Variants in POLR3F observed in about 807,000 individuals in gnomAD.
POLR3F encodes the protein RNA polymerase III subunit F, also known as DNA-directed RNA polymerase III subunit RPC6.
A neutral mutation model predicts 43.6 loss-of-function variants in POLR3F; 31 were observed. The observed-to-expected ratio is 0.71, with a 90% confidence interval of 0.53 to 0.96. POLR3F has a LOEUF of 0.96. Ranked by LOEUF, POLR3F falls within the 40% of genes least tolerant of loss-of-function variation. POLR3F has a pLI of 0.00. For synonymous variants in POLR3F, 114 were observed against 132.5 expected, an observed-to-expected ratio of 0.86 and a Z score of 0.96; for missense variants, 316 against 391.7, an observed-to-expected ratio of 0.81 and a Z score of 1.63.
chr20:18,476,674 C>A (rs2059782311), intron 5 of POLR3F, among the ~76,000 whole-genome samples: 1 of 152,100 alleles, frequency 6.6e-6, no homozygotes. Context: ...TGGAGTTTAT[C>A]AAAATTTTTT....
intron 4 of POLR3F, 45 bp from the exon 5 acceptor site, chr20:18,475,029 TC>T: frequency 1.2e-6 from 1 of 800,666 alleles, no homozygotes; most frequent in Non-Finnish European, 2.1e-6. Flanking sequence ...ACATTAAAAA[TC>T]CATGAAAACC....
intron 4 of POLR3F, among the ~76,000 whole-genome samples, chr20:18,474,814 G>T (rs1327365623): frequency 6.6e-6 from 1 of 152,136 alleles, no homozygotes; most frequent in African/African-American, 2.4e-5. Flanking sequence ...GAGCCACCAT[G>T]CCCAGCCCTT....
intron 5 of POLR3F, among the ~76,000 whole-genome samples, chr20:18,478,244 C>G (rs1043057550): frequency 4.0e-5 from 6 of 149,014 alleles, no homozygotes; most frequent in Non-Finnish European, 7.4e-5. Context: ...GAGACATGGT[C>G]TGGCTCTGTC....
chr20:18,474,191 C>T (rs1393459274), intron 4 of POLR3F, among the ~76,000 whole-genome samples: 2 of 151,872 alleles, frequency 1.3e-5, no homozygotes, highest in Non-Finnish European at 2.9e-5. Context: ...CATTCCCTTT[C>T]CATATATAAC....
At chr20:18,469,478 T>C (rs1290343974) in intron 2 of POLR3F, 1 of 158,416 alleles carries the variant, frequency 6.3e-6, no homozygotes, top group Admixed American at 6.2e-5. Flanking sequence ...CAACACCAGC[T>C]TTCCTGGGTC....
intron 8 of POLR3F, among the ~76,000 whole-genome samples, chr20:18,482,833 A>G (rs1470138658): frequency 6.6e-6 from 1 of 152,202 alleles, no homozygotes; most frequent in East Asian, 1.9e-4. Context: ...CATATTAGGA[A>G]TTCTGTTTTG....
intron 2 of POLR3F, among the ~76,000 whole-genome samples, chr20:18,472,403 C>CA (rs2059758423): frequency 6.6e-6 from 1 of 152,090 alleles, no homozygotes; most frequent in Admixed American, 6.5e-5. Flanking sequence ...AGGCTGGTCT[C>CA]AAACTCTTGA....
Position 18,480,098 on chromosome 20 carries a change from G to A in POLR3F, c.490G>A (p.Gly164Arg). 6.2e-7 allele frequency: 1 copy of A among 1,610,226 alleles called. No homozygotes were observed. The highest frequency in any genetic ancestry group is 8.5e-7 in the Non-Finnish European group (1 of 1,176,626). ...GCAGCCAGACCGGTCTGTGACTGGT[G>A]GAGCCTGGTACAGTGACCAGGATTT... is the stretch of plus-strand genomic sequence containing the variant. Reference protein sequence around the residue: ...NLQPDRSVTGGAWYSDQDFES... With the variant: ...NLQPDRSVTGRAWYSDQDFES... The change falls in exon 6 of 9, where the codon GGA becomes AGA. Residue 164 changes from glycine to arginine, a missense_variant. Physicochemically the swap from Gly to Arg is moderately radical, Grantham distance 125. Coordinates refer to ENST00000377603, the MANE Select transcript of POLR3F (RefSeq NM_006466.4).
chr20:18,468,125 G>A (rs2059711017), intron 1 of POLR3F, among the ~76,000 whole-genome samples: 1 of 152,156 alleles, frequency 6.6e-6, no homozygotes, highest in Admixed American at 6.5e-5. Flanking sequence ...TCGCCAGGCT[G>A]GAGTGCAGTG....
chr20:18,480,270 G>T, intron 6 of POLR3F, 89 bp downstream of exon 6: 7 of 1,378,540 alleles, frequency 5.1e-6, no homozygotes, highest in Non-Finnish European at 1.0e-6. Flanking sequence ...TATTTTATAG[G>T]AATTAAAAAC....
chr20:18,469,143 T>C, intron 2 of POLR3F, 82 bp downstream of exon 2: 1 of 755,272 alleles, frequency 1.3e-6, no homozygotes, highest in Non-Finnish European at 2.4e-6. Context: ...GATGGTTAAT[T>C]TCATGTCAAC....
In POLR3F at chr20:18,484,003, T is replaced by C. The variant is rs886906616; in HGVS notation, c.*445T>C. On this transcript the variant is annotated 3_prime_UTR_variant, in exon 9 of 9. Transcript: ENST00000377603. ...CATTTTCTGTTTCCTACTTTCTCAG[T>C]GGTTTCATTGAAAAGAAATTAGAAG... 5 of 398,192 alleles carry C rather than the reference T, an allele frequency of 1.3e-5. No individual in the cohort carries two copies. Among genetic ancestry groups the C allele is most frequent in the African/African-American group, 1.0e-4 (5 of 48,618 alleles). 24.7% of individuals were successfully genotyped at this position (398,192 alleles called of 1,614,324 possible). A position where few individuals can be genotyped will look rare whatever the true frequency, so the allele number is the denominator to read the frequency against.
At position 18,467,511 on chromosome 20, in the gene POLR3F, C is replaced by G. The variant is rs2059698173; in HGVS notation, c.5C>G (p.Ala2Gly). Reference protein sequence around the residue: MAEVKVKVQPPD... With the variant: MGEVKVKVQPPD... ...GGCGTCAGGAACTGCGCCCTCATGG[C>G]GGAGGTGAAGGTGAAGGTGCAGCCG... Residue 2 changes from alanine to glycine, a missense_variant, in exon 1 of 9, where the codon GCG becomes GGG. Around this residue, in one of 3 missense-constraint regions of POLR3F, gnomAD observed 122 missense variants for 133.8 expected, o/e 0.91. Transcript: ENST00000377603. 1 of 1,614,084 alleles carries G rather than the reference C, an allele frequency of 6.2e-7. No homozygotes were observed. The highest frequency in any genetic ancestry group is 8.5e-7 in the Non-Finnish European group (1 of 1,180,026).
At position 18,475,153 on chromosome 20, in the gene POLR3F, G is replaced by A; in HGVS notation, c.395G>A (p.Ser132Asn). Reference protein sequence around the residue: ...EINKILKNLESKKLIKAVKSV... With the variant: ...EINKILKNLENKKLIKAVKSV... ...AACAAAATTCTGAAGAATCTGGAAA[G>A]TAAAAAGCTTATCAAAGCTGTTAAG... Residue 132 changes from serine to asparagine, a missense_variant, in exon 5 of 9, where the codon AGT (serine) becomes AAT (asparagine). Physicochemically the swap from Ser to Asn is conservative, Grantham distance 46. Coordinates refer to ENST00000377603, the MANE Select transcript of POLR3F (RefSeq NM_006466.4). The A allele has an allele frequency of 6.6e-7, 1 of 1,525,612 alleles. No homozygotes were observed. The highest frequency in any genetic ancestry group is 9.1e-7 in the Non-Finnish European group (1 of 1,100,600). The allele number at this position is 1,525,612 out of a possible 1,614,324, so 94.5% of individuals were successfully genotyped here. A position where few individuals can be genotyped will look rare whatever the true frequency, so the allele number is the denominator to read the frequency against.
chr20:18,468,753 C>T (rs2059725366), intron 1 of POLR3F, among the ~76,000 whole-genome samples, 191 bp from the exon 2 acceptor site: 1 of 152,178 alleles, frequency 6.6e-6, no homozygotes, highest in African/African-American at 2.4e-5. Context: ...AACAATAATA[C>T]TGTAAACATG....
chr20:18,480,042 C>T lies in POLR3F; in HGVS notation c.434C>T (p.Ser145Leu), dbSNP rs373798572. Residue 145 changes from serine to leucine, a missense_variant, in exon 6 of 9, where the codon TCA becomes TTA. Coordinates refer to ENST00000377603, the MANE Select transcript of POLR3F (RefSeq NM_006466.4). ...LIKAVKSVAA[S>L]KKKVYMLYNL... ...ACTGTGCATGTTCTTTCCTAGGCCT[C>T]AAAAAAGAAGGTGTATATGCTCTAT... 6.3e-7 allele frequency: 1 copy of T among 1,598,470 alleles called. No individual in the cohort carries two copies. Among genetic ancestry groups the T allele is most frequent in the Non-Finnish European group, 8.5e-7 (1 of 1,175,254 alleles).
intron 4 of POLR3F, 80 bp downstream of exon 4, chr20:18,473,538 G>C: frequency 1.5e-6 from 1 of 688,532 alleles, no homozygotes; most frequent in Non-Finnish European, 2.7e-6. Context: ...GCTTCCCAGG[G>C]TAGAACTCAG....
chr20:18,478,347 C>G (rs1273702164), intron 5 of POLR3F, among the ~76,000 whole-genome samples: 2 of 152,048 alleles, frequency 1.3e-5, no homozygotes, highest in Non-Finnish European at 2.9e-5. Flanking sequence ...TTCCAAGTAG[C>G]TGGGACTATA....
chr20:18,474,760 GACCCACC>G (rs2059771441), intron 4 of POLR3F, among the ~76,000 whole-genome samples: 1 of 152,098 alleles, frequency 6.6e-6, no homozygotes. Context: ...GAGCTCAGGT[GACCCACC>G]TGCCTCGGCC....
Sources: gnomAD v4.1 joint callset for allele counts (sites outside exome capture counted in the v4.1 genomes callset) on GRCh38, gnomAD v4.1.1 for gene constraint, gnomAD v4.1.1 regional missense constraint, MANE v1.5 for transcripts, NCBI Gene and HGNC (gene_info 2026-07-23, HGNC 2026-07-21) for gene names.